AGBL4: variants seen among roughly 807,000 people sequenced by gnomAD.
AGBL4 encodes AGBL carboxypeptidase 4.
A neutral mutation model predicts 66.4 loss-of-function variants in AGBL4; 58 were observed. The observed-to-expected ratio is 0.87, with a 90% CI of 0.71 to 1.09. The LOEUF (loss-of-function observed/expected upper bound fraction) is 1.09, where lower values mean the gene tolerates loss of function less well. Ranked by LOEUF, AGBL4 falls within the 50% of genes least tolerant of loss-of-function variation. AGBL4 has a pLI of 0.00. For synonymous variants in AGBL4, 234 were observed against 222.9 expected, an observed-to-expected ratio of 1.05 and a Z score of -0.44; for missense variants, 579 against 631.0, an observed-to-expected ratio of 0.92 and a Z score of 0.88.
intron 1 of AGBL4, among the ~76,000 whole-genome samples, chr1:49,992,843 T>C (rs1352805804): frequency 3.9e-5 from 6 of 152,206 alleles, no homozygotes; most frequent in African/African-American, 1.4e-4. Context: ...AATGCTCCTA[T>C]ACTCTTCATT....
At chr1:49,018,110 A>G (rs556739450) in intron 5 of AGBL4, among the ~76,000 whole-genome samples, 8 of 152,196 alleles carry the variant, frequency 5.3e-5, no homozygotes, top group Admixed American at 1.3e-4. Flanking sequence ...ACAAGTTATT[A>G]GCTCCTACCT....
chr1:49,050,487 TA>T (rs1269207266), intron 4 of AGBL4, among the ~76,000 whole-genome samples: 14 of 152,104 alleles, frequency 9.2e-5, no homozygotes, highest in Non-Finnish European at 2.1e-4. Context: ...TATGAATGGA[TA>T]AATGTTTGTG....
Position 49,877,365 on chromosome 1 carries a change from T to G in AGBL4, c.35-25847A>C, listed in dbSNP as rs557602593. Among the ~76,000 whole-genome samples the G allele has an allele frequency of 5.9e-5, 9 of 152,190 alleles. No individual in the cohort carries two copies. In the South Asian group the frequency reaches 1.9e-3, roughly 32 times the overall value. ...CCTAATTTATTGAGAGTTTTTAGCT[T>G]GAAGGGTTGTTGAATTCTGTCAAAG... On this transcript the variant is annotated intron_variant, in intron 1 of 13. Transcript: ENST00000371839.
At chr1:48,813,840 GCTT>G (rs1198752392) in intron 6 of AGBL4, among the ~76,000 whole-genome samples, 3 of 150,640 alleles carry the variant, frequency 2.0e-5, no homozygotes, top group African/African-American at 7.3e-5. Context: ...ATTTTGGGTA[GCTT>G]TTTTTTTTTT....
chr1:49,944,243 C>A (rs563091487), intron 1 of AGBL4, among the ~76,000 whole-genome samples: 1 of 152,108 alleles, frequency 6.6e-6, no homozygotes, highest in Non-Finnish European at 1.5e-5. Context: ...GGAGGCCAAC[C>A]AGCATAGAAA....
intron 3 of AGBL4, among the ~76,000 whole-genome samples, chr1:49,459,000 GGGAT>G (rs2148694653): frequency 6.6e-6 from 1 of 151,314 alleles, no homozygotes; most frequent in East Asian, 1.9e-4. Flanking sequence ...ATGTTCATCA[GGGAT>G]ATTGGCTCCT....
chr1:49,388,720 T>C (rs1374759749), intron 3 of AGBL4, among the ~76,000 whole-genome samples: 1 of 152,100 alleles, frequency 6.6e-6, no homozygotes, highest in Non-Finnish European at 1.5e-5. Context: ...GGAAGAGTAA[T>C]GTCCCCTTAG....
chr1:49,269,160 A>G (rs1017773584), intron 3 of AGBL4: 4 of 152,214 alleles, frequency 2.6e-5, no homozygotes, highest in Admixed American at 1.3e-4. Context: ...AGACCAACAT[A>G]TAGACGGTTG....
intron 5 of AGBL4, among the ~76,000 whole-genome samples, chr1:48,992,972 C>T (rs941433205): frequency 5.3e-5 from 8 of 152,126 alleles, no homozygotes; most frequent in African/African-American, 1.4e-4. Context: ...TGGTTCTCTA[C>T]CCTTATGTGG....
At chr1:49,430,989 A>C (rs1397035220) in intron 3 of AGBL4, among the ~76,000 whole-genome samples, 1 of 119,720 alleles carries the variant, frequency 8.4e-6, no homozygotes, top group Non-Finnish European at 1.9e-5. Flanking sequence ...TCATGGCTGC[A>C]TAGCATGCCA....
At chr1:49,070,778 G>A (rs1010013572) in intron 4 of AGBL4, among the ~76,000 whole-genome samples, 8 of 151,790 alleles carry the variant, frequency 5.3e-5, no homozygotes, top group South Asian at 4.1e-4. Flanking sequence ...CCTCTTTTTC[G>A]GTTGATTGGA....
chr1:49,659,004 A>G (rs192480718), intron 3 of AGBL4, among the ~76,000 whole-genome samples: 7 of 152,316 alleles, frequency 4.6e-5, no homozygotes, highest in Admixed American at 2.0e-4. Context: ...AACTTAAAGT[A>G]TAATAAAAAA....
chr1:49,122,939 C>T (rs1273134631), intron 4 of AGBL4, among the ~76,000 whole-genome samples: 10 of 151,990 alleles, frequency 6.6e-5, no homozygotes, highest in Non-Finnish European at 8.8e-5. Context: ...CTGCAACCTC[C>T]GCCTCCCAGA....
chr1:49,844,321 A>G (rs2148047097), intron 2 of AGBL4, among the ~76,000 whole-genome samples: 1 of 152,190 alleles, frequency 6.6e-6, no homozygotes, highest in South Asian at 2.1e-4. Flanking sequence ...TGCTCCTTCC[A>G]AGTCCAGTGC....
At chr1:49,977,180 T>G (rs1044669341) in intron 1 of AGBL4, among the ~76,000 whole-genome samples, 3 of 147,812 alleles carry the variant, frequency 2.0e-5, no homozygotes, top group Non-Finnish European at 4.5e-5. Context: ...TTCACCTCCC[T>G]TCTTCCATGG....
At position 48,658,833 on chromosome 1, in the gene AGBL4, TG is replaced by T. The variant is rs1157947561; in HGVS notation, c.724+4318del. Reference sequence around the variant, plus strand: ...GGCAATATTGGTGTTTGTGAGAGCATGGTGTGTGCATGTGTGTGTGTGTGTG... The same window carrying T: ...GGCAATATTGGTGTTTGTGAGAGCATGTGTGTGCATGTGTGTGTGTGTGTG... On this transcript the variant is annotated intron_variant, in intron 7 of 13. Coordinates refer to ENST00000371839, the MANE Select transcript of AGBL4 (RefSeq NM_032785.4). 5.5e-5 allele frequency among the ~76,000 whole-genome samples: 7 copies of T among 126,650 alleles called. No individual in the cohort carries two copies. In the Admixed American group the frequency reaches 5.6e-4, roughly 10 times the overall value. The allele number at this position is 126,650 out of a possible 152,430, so 83.1% of individuals were successfully genotyped here. A position where few individuals can be genotyped will look rare whatever the true frequency, so the allele number is the denominator to read the frequency against.
Position 48,923,557 on chromosome 1 carries a change from A to G in AGBL4, c.595-56327T>C, listed in dbSNP as rs941765598. Reference sequence around the variant, plus strand: ...GCATTTCAACTCTTCAAGATTTATGATAGTTAAATTAGAAGAGTAATATAG... The same window carrying G: ...GCATTTCAACTCTTCAAGATTTATGGTAGTTAAATTAGAAGAGTAATATAG... On this transcript the variant is annotated intron_variant, in intron 5 of 13. Coordinates refer to ENST00000371839, the MANE Select transcript of AGBL4 (RefSeq NM_032785.4). Among the ~76,000 whole-genome samples, 7 of 152,326 alleles carry G rather than the reference A, an allele frequency of 4.6e-5. No homozygotes were observed. The East Asian group carries it at 1.3e-3, about 29-fold the overall frequency.
intron 2 of AGBL4, among the ~76,000 whole-genome samples, chr1:49,802,733 G>C (rs574196377): frequency 5.3e-4 from 80 of 152,204 alleles, no homozygotes; most frequent in Non-Finnish European, 9.4e-4. Flanking sequence ...CCAGAAGGCG[G>C]TGACCCCCCT....
At chr1:48,587,818 A>G (rs1452232546) in intron 10 of AGBL4, among the ~76,000 whole-genome samples, 1 of 150,742 alleles carries the variant, frequency 6.6e-6, no homozygotes, top group Non-Finnish European at 1.5e-5. Flanking sequence ...AATTTTTTGT[A>G]TTTTTAGCAG....
Sources: gnomAD v4.1 joint callset for allele counts (sites outside exome capture counted in the v4.1 genomes callset) on GRCh38, gnomAD v4.1.1 for gene constraint, MANE v1.5 for transcripts, NCBI Gene and HGNC (gene_info 2026-07-23, HGNC 2026-07-21) for gene names.